Variants in TMEM117 observed in about 807,000 individuals in gnomAD.
TMEM117 encodes the protein transmembrane protein 117.
TMEM117 carries 27 observed loss-of-function variants against 52.4 expected under a neutral mutation model. The ratio of observed to expected loss-of-function variants is 0.51; its 90% CI spans 0.38 to 0.71. The LOEUF (loss-of-function observed/expected upper bound fraction) is 0.71, where lower values mean the gene tolerates loss of function less well. TMEM117 is among the 30% of genes least tolerant of loss of function. TMEM117 has a pLI of 0.00. For missense variants in TMEM117, 556 were observed against 630.5 expected, an observed-to-expected ratio of 0.88 and a Z score of 1.26; for synonymous variants, 215 against 206.3, an observed-to-expected ratio of 1.04 and a Z score of -0.36.
intron 5 of TMEM117, among the ~76,000 whole-genome samples, chr12:44,237,257 T>A (rs1473713027): frequency 6.6e-6 from 1 of 152,088 alleles, no homozygotes; most frequent in Non-Finnish European, 1.5e-5. Flanking sequence ...TTCTTTGAGA[T>A]GTGACAGACG....
intron 5 of TMEM117, among the ~76,000 whole-genome samples, chr12:44,267,262 C>G (rs976036334): frequency 6.6e-6 from 1 of 151,656 alleles, no homozygotes; most frequent in African/African-American, 2.4e-5. Context: ...ATATTTAGTT[C>G]TTTTTGATGT....
At chr12:44,289,550 C>CTTTT (rs60675070) in intron 5 of TMEM117, among the ~76,000 whole-genome samples, 16 of 121,950 alleles carry the variant, frequency 1.3e-4, no homozygotes, top group South Asian at 2.6e-4. Context: ...TTTCTTTTCT[C>CTTTT]TTTTTTTTTT....
At chr12:44,372,117 C>A (rs1951872322) in intron 6 of TMEM117, among the ~76,000 whole-genome samples, 1 of 152,098 alleles carries the variant, frequency 6.6e-6, no homozygotes, top group South Asian at 2.1e-4. Context: ...ATCTGATAGA[C>A]CTCTGCAGTT....
At chr12:44,008,434 G>A (rs2638851) in intron 3 of TMEM117, among the ~76,000 whole-genome samples, 150,633 of 152,330 alleles carry the variant, frequency 0.99, 74,504 homozygotes, top group Middle Eastern at 1. Context: ...TAAGATACTC[G>A]TTATGTATAA....
At chr12:44,050,401 G>A (rs750819698) in intron 3 of TMEM117, among the ~76,000 whole-genome samples, 4 of 151,962 alleles carry the variant, frequency 2.6e-5, no homozygotes, top group East Asian at 3.9e-4. Flanking sequence ...GGTCTCGAAC[G>A]CCTGACCTCA....
At chr12:44,352,600 C>T (rs1951580311) in intron 6 of TMEM117, among the ~76,000 whole-genome samples, 1 of 152,090 alleles carries the variant, frequency 6.6e-6, no homozygotes. Context: ...CCAGCTTCAT[C>T]CATGTCCCTA....
chr12:44,292,148 G>T (rs73276216), intron 5 of TMEM117, among the ~76,000 whole-genome samples: 4 of 151,780 alleles, frequency 2.6e-5, no homozygotes, highest in African/African-American at 9.7e-5. Flanking sequence ...ACTCATGATC[G>T]GTCTGTTCAG....
intron 4 of TMEM117, among the ~76,000 whole-genome samples, chr12:44,155,895 AG>A: frequency 6.6e-6 from 1 of 152,194 alleles, no homozygotes; most frequent in African/African-American, 2.4e-5. Context: ...AGCACAGCAC[AG>A]GGCATGAGTT....
intron 6 of TMEM117, among the ~76,000 whole-genome samples, chr12:44,368,164 G>A (rs915902035): frequency 5.9e-5 from 9 of 151,972 alleles, no homozygotes; most frequent in African/African-American, 2.2e-4. Flanking sequence ...TCCACACAAA[G>A]GTCATCTTCA....
chr12:43,999,682 G>A (rs1031463353), intron 3 of TMEM117, among the ~76,000 whole-genome samples: 1 of 152,046 alleles, frequency 6.6e-6, no homozygotes, highest in Non-Finnish European at 1.5e-5. Context: ...TGTAGAGACG[G>A]GGTTTCACCA....
chr12:43,945,711 T>A (rs980034189), intron 3 of TMEM117, among the ~76,000 whole-genome samples: 1 of 152,230 alleles, frequency 6.6e-6, no homozygotes, highest in Admixed American at 6.5e-5. Context: ...ACTTTAGGTA[T>A]TTGTTGTGTG....
In TMEM117 at chr12:44,267,598, G is replaced by A. The variant is rs565636135; in HGVS notation, c.609-31982G>A. ...TACAACACAATATTGTTAATTATAGGCACTATGCTGTCCAGTAGATCTCTA... is the reference window on the plus strand; with the variant it reads ...TACAACACAATATTGTTAATTATAGACACTATGCTGTCCAGTAGATCTCTA... On this transcript the variant is annotated intron_variant, in intron 5 of 7. Coordinates refer to ENST00000266534, the MANE Select transcript of TMEM117 (RefSeq NM_032256.3). Among the ~76,000 whole-genome samples, 5 of 152,090 alleles carry A rather than the reference G, an allele frequency of 3.3e-5. No individual in the cohort carries two copies. In the South Asian group the frequency reaches 1.0e-3, roughly 32 times the overall value.
At chr12:44,325,639 C>T (rs2138710543) in intron 6 of TMEM117, among the ~76,000 whole-genome samples, 1 of 151,964 alleles carries the variant, frequency 6.6e-6, no homozygotes, top group South Asian at 2.1e-4. Context: ...AAAGAAATTA[C>T]CCCTTTTCCT....
chr12:43,963,642 A>T (rs1487012161), intron 3 of TMEM117, among the ~76,000 whole-genome samples: 2 of 152,250 alleles, frequency 1.3e-5, no homozygotes, highest in Admixed American at 1.3e-4. Flanking sequence ...ACATTTTGTC[A>T]TAGCCATACA....
At chr12:44,387,610 A>G (rs1254615817) in intron 7 of TMEM117, among the ~76,000 whole-genome samples, 1 of 152,148 alleles carries the variant, frequency 6.6e-6, no homozygotes, top group Non-Finnish European at 1.5e-5. Context: ...TCTTGCCCAG[A>G]CATAATTATA....
chr12:44,000,588 A>T (rs1304480101), intron 3 of TMEM117, among the ~76,000 whole-genome samples: 2 of 152,140 alleles, frequency 1.3e-5, no homozygotes, highest in Non-Finnish European at 2.9e-5. Context: ...AGGCCTGGGC[A>T]ACTGGGCTGA....
intron 5 of TMEM117, among the ~76,000 whole-genome samples, chr12:44,280,564 CT>C (rs919896906): frequency 6.2e-4 from 93 of 149,656 alleles, no homozygotes; most frequent in African/African-American, 1.8e-3. Flanking sequence ...TCTATAGCAT[CT>C]TTTTTTTTTC....
chr12:43,885,674 G>T (rs1284840996), intron 2 of TMEM117, among the ~76,000 whole-genome samples: 3 of 151,730 alleles, frequency 2.0e-5, no homozygotes, highest in Non-Finnish European at 4.4e-5. Flanking sequence ...CTAAGACCAA[G>T]TGTAAATAAA....
chr12:43,986,247 A>C (rs1945845064), intron 3 of TMEM117, among the ~76,000 whole-genome samples: 1 of 152,202 alleles, frequency 6.6e-6, no homozygotes, highest in Non-Finnish European at 1.5e-5. Flanking sequence ...TGATTACAGA[A>C]ATTTTTGAAA....
Sources: gnomAD v4.1 joint callset for allele counts (sites outside exome capture counted in the v4.1 genomes callset) on GRCh38, gnomAD v4.1.1 for gene constraint, MANE v1.5 for transcripts, NCBI Gene and HGNC (gene_info 2026-07-23, HGNC 2026-07-21) for gene names.